Variants in THSD4 observed in about 807,000 individuals in gnomAD.
THSD4 encodes thrombospondin type-1 domain-containing protein 4.
THSD4 carries 69 observed loss-of-function variants against 119.0 expected under a neutral mutation model. The ratio of observed to expected loss-of-function variants is 0.58; its 90% CI spans 0.48 to 0.71. THSD4 has a LOEUF of 0.71. Ranked by LOEUF, THSD4 falls within the 30% of genes least tolerant of loss-of-function variation. The pLI, the probability that THSD4 is intolerant of heterozygous loss-of-function variation, is 0.00. For synonymous variants in THSD4, 524 were observed against 540.4 expected, an observed-to-expected ratio of 0.97 and a Z score of 0.42; for missense variants, 1,393 against 1,391.1, an observed-to-expected ratio of 1.00 and a Z score of -0.02.
At chr15:71,670,800 C>G (rs924481396) in intron 8 of THSD4, among the ~76,000 whole-genome samples, 1 of 151,766 alleles carries the variant, frequency 6.6e-6, no homozygotes, top group Admixed American at 6.6e-5. Context: ...CCAGCTTCAT[C>G]CATGTCCCTA....
intron 7 of THSD4, among the ~76,000 whole-genome samples, chr15:71,478,124 G>C (rs1322817920): frequency 6.6e-6 from 1 of 152,132 alleles, no homozygotes; most frequent in Admixed American, 6.5e-5. Flanking sequence ...AATTTCCCCT[G>C]GGGTCGGCTG....
At chr15:71,263,964 A>G (rs2044434188) in intron 6 of THSD4, among the ~76,000 whole-genome samples, 1 of 152,190 alleles carries the variant, frequency 6.6e-6, no homozygotes, top group Admixed American at 6.5e-5. Flanking sequence ...GCTCCAGGGA[A>G]TATTAAAGGT....
chr15:71,764,531 C>G (rs945031156), intron 15 of THSD4, among the ~76,000 whole-genome samples: 1 of 152,234 alleles, frequency 6.6e-6, no homozygotes, highest in African/African-American at 2.4e-5. Context: ...GTACATTTTC[C>G]CAAGTCTTAG....
intron 12 of THSD4, 112 bp downstream of exon 12, chr15:71,745,347 G>A: frequency 1.5e-6 from 2 of 1,374,892 alleles, no homozygotes; most frequent in Non-Finnish European, 2.0e-6. Context: ...AGAAATACAA[G>A]ACTTGGACCA....
intron 6 of THSD4, among the ~76,000 whole-genome samples, chr15:71,277,369 GCT>G (rs1269411947): frequency 6.6e-6 from 1 of 152,062 alleles, no homozygotes; most frequent in Non-Finnish European, 1.5e-5. Flanking sequence ...CAGGTGGTCT[GCT>G]CACCTTGGCC....
intron 6 of THSD4, among the ~76,000 whole-genome samples, chr15:71,291,887 G>A (rs2044797016): frequency 6.6e-6 from 1 of 152,136 alleles, no homozygotes; most frequent in African/African-American, 2.4e-5. Context: ...GTCTGGACTA[G>A]TTGTGTTCTA....
chr15:71,336,053 G>A (rs1293672955), intron 6 of THSD4, among the ~76,000 whole-genome samples: 6 of 152,098 alleles, frequency 3.9e-5, no homozygotes, highest in South Asian at 2.1e-4. Flanking sequence ...ATGGCCTTTC[G>A]CATTGCAATC....
chr15:71,625,923 ACT>A (rs1400143396), intron 7 of THSD4, among the ~76,000 whole-genome samples: 1 of 152,044 alleles, frequency 6.6e-6, no homozygotes, highest in Non-Finnish European at 1.5e-5. Flanking sequence ...TTCCTGGAGG[ACT>A]CTGCAGGATT....
Position 71,737,733 on chromosome 15 carries a change from G to A in THSD4, c.1632G>A (p.Gly544=), listed in dbSNP as rs758180864. ...TGTGTGCACGCTCACCTCTCCTAGG[G>A]GAACCCTTCAATGGCCAGATGGTGA... is the stretch of plus-strand genomic sequence containing the variant. ...SPQVPPHRRP[G]EPFNGQMVTE... Residue 544 remains glycine, a splice_region_variant and synonymous_variant, in exon 11 of 18, where the codon GGG becomes GGA. Transcript: ENST00000261862. 3 of 1,606,884 alleles carry A rather than the reference G, an allele frequency of 1.9e-6. No homozygotes were observed. In the Admixed American group the frequency reaches 5.0e-5, roughly 27 times the overall value.
chr15:71,500,256 C>CCT (rs1174493365), intron 7 of THSD4, among the ~76,000 whole-genome samples: 1 of 152,088 alleles, frequency 6.6e-6, no homozygotes, highest in Non-Finnish European at 1.5e-5. Flanking sequence ...TTTTCATGCA[C>CCT]CTATTGGCCA....
At chr15:71,454,023 A>G (rs901776446) in intron 7 of THSD4, among the ~76,000 whole-genome samples, 5 of 152,204 alleles carry the variant, frequency 3.3e-5, no homozygotes, top group Non-Finnish European at 5.9e-5. Flanking sequence ...TTGGGAGGCC[A>G]AGGCAGATGG....
chr15:71,329,539 C>T (rs16955436), intron 6 of THSD4, among the ~76,000 whole-genome samples: 29,645 of 152,074 alleles, frequency 0.19, 3,221 homozygotes, highest in African/African-American at 0.29. Flanking sequence ...AGCCAAAAGG[C>T]GAATGTCTGT....
At chr15:71,727,558 A>ATG (rs2052876391) in intron 8 of THSD4, among the ~76,000 whole-genome samples, 7 of 120,986 alleles carry the variant, frequency 5.8e-5, no homozygotes, top group African/African-American at 2.5e-4. Flanking sequence ...AAAAAAATAT[A>ATG]TATATATATA....
At position 71,237,640 on chromosome 15, in the gene THSD4, TG is replaced by T. The variant is rs541446681; in HGVS notation, c.465-5008del. On this transcript the variant is annotated intron_variant, in intron 4 of 17. Coordinates refer to ENST00000261862, the MANE Select transcript of THSD4 (RefSeq NM_024817.3). ...TTTAGTGAGACCCCCGGGTGACTTA[TG>T]TGCACTTTTCAGGCTCTAGTCTGGA... Among the ~76,000 whole-genome samples, 60 of 152,310 alleles carry T rather than the reference TG, an allele frequency of 3.9e-4. 1 individual carries two copies. In the East Asian group the frequency reaches 0.011, roughly 28 times the overall value.
intron 7 of THSD4, among the ~76,000 whole-genome samples, chr15:71,570,370 A>T (rs772076743): frequency 6.6e-5 from 10 of 151,814 alleles, no homozygotes; most frequent in Non-Finnish European, 1.5e-4. Flanking sequence ...TCATTGTTGC[A>T]CCCGGAATAT....
intron 8 of THSD4, among the ~76,000 whole-genome samples, chr15:71,726,842 C>T (rs2052849475): frequency 6.6e-6 from 1 of 151,730 alleles, no homozygotes; most frequent in South Asian, 2.1e-4. Flanking sequence ...GAGGCTGAGG[C>T]AGGAGAATTG....
chr15:71,507,657 C>A (rs2048211330), intron 7 of THSD4, among the ~76,000 whole-genome samples: 1 of 151,268 alleles, frequency 6.6e-6, no homozygotes, highest in Admixed American at 6.6e-5. Flanking sequence ...CATCTGCCTC[C>A]CTCTACACCC....
intron 7 of THSD4, among the ~76,000 whole-genome samples, chr15:71,555,354 T>C (rs567423713): frequency 9.6e-4 from 147 of 152,366 alleles, no homozygotes; most frequent in Non-Finnish European, 1.3e-3. Context: ...ATATAAGATA[T>C]AAAATGGTAT....
chr15:71,228,016 TC>T (rs1366007219), intron 4 of THSD4, among the ~76,000 whole-genome samples: 1 of 152,148 alleles, frequency 6.6e-6, no homozygotes, highest in African/African-American at 2.4e-5. Context: ...GTTGAATAAT[TC>T]CCTGCCCTCT....
Sources: gnomAD v4.1 joint callset for allele counts (sites outside exome capture counted in the v4.1 genomes callset) on GRCh38, gnomAD v4.1.1 for gene constraint, MANE v1.5 for transcripts, NCBI Gene and HGNC (gene_info 2026-07-23, HGNC 2026-07-21) for gene names.